EML2: variants seen among roughly 807,000 people sequenced by gnomAD.
EML2 encodes EMAP like 2.
Under a neutral mutation model 84.7 loss-of-function variants are expected in EML2, and 59 were observed. The observed-to-expected ratio is 0.70, with a 90% CI of 0.56 to 0.86. The LOEUF is 0.86. Among genes scored for constraint, EML2 ranks in the 40% least tolerant of loss-of-function variants. EML2 has a pLI of 0.00. For missense variants in EML2, 818 were observed against 855.6 expected, an observed-to-expected ratio of 0.96 and a Z score of 0.55; for synonymous variants, 352 against 348.9, an observed-to-expected ratio of 1.01 and a Z score of -0.10.
intron 12 of EML2, 159 bp downstream of exon 12, chr19:45,618,901 C>G: frequency 1.4e-6 from 1 of 731,334 alleles, no homozygotes; most frequent in Non-Finnish European, 2.0e-6. Flanking sequence ...GAGCCGAGAT[C>G]GTGCCATTGC....
intron 3 of EML2, among the ~76,000 whole-genome samples, chr19:45,637,838 G>A (rs1288350715): frequency 2.6e-5 from 4 of 151,872 alleles, no homozygotes; most frequent in South Asian, 2.1e-4. Context: ...CACCACACTC[G>A]GCTAATTTTT....
At chr19:45,639,215 A>C in intron 1 of EML2, 142 bp downstream of exon 1, 2 of 948,142 alleles carry the variant, frequency 2.1e-6, no homozygotes, top group Non-Finnish European at 3.0e-6. Context: ...ACCAAACGTC[A>C]AGCAGAGGGA....
chr19:45,616,835 C>G lies in EML2; in HGVS notation c.1341G>C (p.Thr447=), dbSNP rs771525008. ...GGATAGCCACCAGGTCATGGGTCTCCGTGTCCAGCAGCAGCCATCTTGAAG... is the reference window on the plus strand; with the variant it reads ...GGATAGCCACCAGGTCATGGGTCTCGGTGTCCAGCAGCAGCCATCTTGAAG... The part of the protein sequence containing the change: ...TVTGRWLLLD[T]ETHDLVAIHT... Residue 447 remains threonine (T), a synonymous_variant, in exon 14 of 19, where the codon ACG becomes ACC. Coordinates refer to ENST00000245925, the MANE Select transcript of EML2 (RefSeq NM_012155.4). 2 of 1,613,070 alleles carry G rather than the reference C, an allele frequency of 1.2e-6. No individual in the cohort carries two copies. The highest frequency in any genetic ancestry group is 1.1e-5 in the South Asian group (1 of 91,038).
In EML2 at chr19:45,609,806, G is replaced by A. The variant is rs759300949; in HGVS notation, c.1825-18C>T. On this transcript the variant is annotated intron_variant, in intron 18 of 18. Coordinates refer to ENST00000245925, the MANE Select transcript of EML2 (RefSeq NM_012155.4). ...CTGAGGGCCTGTTACAAGGAAAGAAGTAAGTGAAGAAATGTCAGTGGGGAC... is the reference window on the plus strand; with the variant it reads ...CTGAGGGCCTGTTACAAGGAAAGAAATAAGTGAAGAAATGTCAGTGGGGAC... 1.2e-6 allele frequency: 2 copies of A among 1,609,252 alleles called. No individual in the cohort carries two copies. Among genetic ancestry groups the A allele is most frequent in the South Asian group, 2.2e-5 (2 of 90,686 alleles).
In EML2 at chr19:45,609,795, C is replaced by T. The variant is rs2122570445; in HGVS notation, c.1825-7G>A. ...CGTACTTGTGGCTGAGGGCCTGTTACAAGGAAAGAAGTAAGTGAAGAAATG... is the reference window on the plus strand; with the variant it reads ...CGTACTTGTGGCTGAGGGCCTGTTATAAGGAAAGAAGTAAGTGAAGAAATG... On this transcript the variant is annotated splice_region_variant and splice_polypyrimidine_tract_variant and intron_variant, in intron 18 of 18. Transcript: ENST00000245925. 2 of 1,611,152 alleles carry T rather than the reference C, an allele frequency of 1.2e-6. No individual in the cohort carries two copies. Among genetic ancestry groups the T allele is most frequent in the Non-Finnish European group, 8.5e-7 (1 of 1,178,768 alleles).
chr19:45,643,757 G>A, upstream of EML2: 2 of 1,508,146 alleles, frequency 1.3e-6, no homozygotes, highest in Non-Finnish European at 1.8e-6. Flanking sequence ...CCTTCCCTTC[G>A]TAGCCCAATC....
Position 45,639,381 on chromosome 19 carries a change from G to A in EML2, c.-5C>T, listed in dbSNP as rs1974175716. On this transcript the variant is annotated 5_prime_UTR_variant, in exon 1 of 19. Transcript: ENST00000245925. ...CCCAGCTCCAAAGCTACTCATGGCGGCGGGTGGCGGAGCTTCGGGGCCGGG... is the reference window on the plus strand; with the variant it reads ...CCCAGCTCCAAAGCTACTCATGGCGACGGGTGGCGGAGCTTCGGGGCCGGG... The A allele has an allele frequency of 1.0e-5, 13 of 1,262,574 alleles. No individual in the cohort carries two copies. Among genetic ancestry groups the A allele is most frequent in the Non-Finnish European group, 1.3e-5 (13 of 996,014 alleles). 78.2% of individuals were successfully genotyped at this position (1,262,574 alleles called of 1,614,324 possible). A position where few individuals can be genotyped will look rare whatever the true frequency, so the allele number is the denominator to read the frequency against.
chr19:45,637,662 C>CT lies in EML2; in HGVS notation c.179+842dup, dbSNP rs1206550438. On this transcript the variant is annotated intron_variant, in intron 3 of 18. Transcript: ENST00000245925. The stretch of plus-strand genomic sequence containing the variant: ...GGCTGGCTATTTTTTTTTTCTTTTT[C>CT]TTTTCTTTTTTTTTTTTTTTTTTTT... 8.1e-4 allele frequency among the ~76,000 whole-genome samples: 37 copies of CT among 45,740 alleles called. 1 individual carries two copies. The East Asian group carries it at 8.5e-3, about 10-fold the overall frequency. The allele number at this position is 45,740 out of a possible 152,430, so 30.0% of individuals were successfully genotyped here. A position where few individuals can be genotyped will look rare whatever the true frequency, so the allele number is the denominator to read the frequency against.
intron 6 of EML2, among the ~76,000 whole-genome samples, chr19:45,631,876 T>G (rs1419949669): frequency 7.0e-6 from 1 of 142,918 alleles, no homozygotes; most frequent in Admixed American, 7.3e-5. Context: ...TACACCCAGC[T>G]AATTAGAATT....
At chr19:45,625,798 G>C (rs977597536) in intron 8 of EML2, among the ~76,000 whole-genome samples, 8 of 152,182 alleles carry the variant, frequency 5.3e-5, no homozygotes, top group African/African-American at 1.9e-4. Context: ...TCAACTTGTG[G>C]CTCTCTCAGC....
chr19:45,630,039 C>A lies in EML2; in HGVS notation c.518G>T (p.Gly173Val). Residue 173 changes from glycine to valine, a missense_variant, in exon 7 of 19, where the codon GGC (glycine) becomes GTC (valine). Physicochemically the swap from Gly to Val is moderately radical, Grantham distance 109. Transcript: ENST00000245925. ...TTCATCCACTGCACACAGCAGGTTG[C>A]CTCCATTCTAAAGAGGAGGAGAGAG... ...CCVGFSKSNG[G>V]NLLCAVDESN... 6.2e-7 allele frequency: 1 copy of A among 1,612,158 alleles called. No homozygotes were observed. The highest frequency in any genetic ancestry group is 8.5e-7 in the Non-Finnish European group (1 of 1,179,034).
upstream of EML2, chr19:45,643,549 T>A: frequency 6.6e-7 from 1 of 1,525,676 alleles, no homozygotes; most frequent in Non-Finnish European, 8.7e-7. Flanking sequence ...AAGTGGCCCC[T>A]CTCCCCCTTT....
chr19:45,644,724 A>G (rs1196389553), upstream of EML2: 1 of 455,786 alleles, frequency 2.2e-6, no homozygotes, highest in Admixed American at 2.4e-5. Flanking sequence ...CCCGACACCC[A>G]CAGTGGTCCT....
Position 45,619,024 on chromosome 19 carries a change from T to C in EML2, c.1254+36A>G, listed in dbSNP as rs113689856. 1.9e-4 allele frequency: 290 copies of C among 1,565,702 alleles called. No homozygotes were observed. The African/African-American group carries it at 3.4e-3, about 18-fold the overall frequency. On this transcript the variant is annotated intron_variant, in intron 12 of 18. Transcript: ENST00000245925. ...TGACACAGGGGGAAAGGTAGTTCTGTTAGAATGGTGCTTTTCCAGTCCCCG... is the reference window on the plus strand; with the variant it reads ...TGACACAGGGGGAAAGGTAGTTCTGCTAGAATGGTGCTTTTCCAGTCCCCG...
intron 1 of EML2, 79 bp downstream of exon 1, chr19:45,639,278 C>A: frequency 7.6e-7 from 1 of 1,309,128 alleles, no homozygotes; most frequent in Non-Finnish European, 1.0e-6. Context: ...GTCTGGGTCC[C>A]AGGGGTTGGG....
intron 18 of EML2, among the ~76,000 whole-genome samples, chr19:45,611,263 T>C (rs895809889): frequency 1.3e-5 from 2 of 151,576 alleles, no homozygotes; most frequent in South Asian, 2.1e-4. Context: ...AATACAAAAT[T>C]AGCCGGGCAT....
Position 45,632,875 on chromosome 19 carries a change from C to T in EML2, c.496G>A (p.Gly166Ser). The change falls in exon 6 of 19, where the codon GGC (glycine) becomes AGC (serine). Residue 166 changes from glycine (G) to serine (S), a missense_variant. By Grantham distance (56) the Gly-to-Ser change is moderately conservative. Transcript: ENST00000245925. ...GVFDRAVCCV[G>S]FSKSNGGNLL... ...GAAGGACTTACAGATTTGGAGAAGC[C>T]CACACAGCACACGGCTCTGTCAAAC... The T allele has an allele frequency of 1.9e-6, 3 of 1,614,004 alleles. No individual in the cohort carries two copies. Among genetic ancestry groups the T allele is most frequent in the East Asian group, 2.2e-5 (1 of 44,876 alleles).
At position 45,634,453 on chromosome 19, in the gene EML2, T is replaced by C. The variant is rs1973469913; in HGVS notation, c.198A>G (p.Arg66=). 6.2e-7 allele frequency: 1 copy of C among 1,611,728 alleles called. No individual in the cohort carries two copies. Among genetic ancestry groups the C allele is most frequent in the African/African-American group, 1.3e-5 (1 of 74,992 alleles). ...KLEWVYGYRG[R]DCRANLYLLP... ...GCAAATAAAGGTTGGCCCGGCAGTCTCGGCCACGGTAGCCATAGCTGGAGC... is the reference window on the plus strand; with the variant it reads ...GCAAATAAAGGTTGGCCCGGCAGTCCCGGCCACGGTAGCCATAGCTGGAGC... Residue 66 remains arginine (R), a synonymous_variant, in exon 4 of 19, where the codon CGA becomes CGG. Transcript: ENST00000245925.
intron 18 of EML2, among the ~76,000 whole-genome samples, chr19:45,612,226 T>G (rs10422508): frequency 0.5 from 76,255 of 151,878 alleles, 20,944 homozygotes; most frequent in African/African-American, 0.73. Flanking sequence ...CACTACGCCT[T>G]GCTAACTTTT....
Sources: allele counts gnomAD v4.1 joint callset (sites outside exome capture counted in the v4.1 genomes callset), GRCh38; gene constraint gnomAD v4.1.1; transcripts MANE v1.5; gene names NCBI Gene and HGNC (gene_info 2026-07-23, HGNC 2026-07-21).